The following ACOXL variants were observed in gnomAD, a reference collection of about 807,000 sequenced individuals.
ACOXL encodes acyl-CoA oxidase like.
ACOXL carries 70 observed loss-of-function variants against 71.9 expected under a neutral mutation model. The observed-to-expected ratio is 0.97, with a 90% CI of 0.80 to 1.19. ACOXL has a LOEUF of 1.19. Ranked by LOEUF, ACOXL falls within the 50% of genes most tolerant of loss-of-function variation. The probability of loss-of-function intolerance (pLI) is 0.00; values close to 1 mark genes in which losing one functional copy is unlikely to be tolerated. For missense variants in ACOXL, 703 were observed against 736.3 expected (o/e 0.95, Z 0.52); for synonymous variants, 253 against 281.6 (o/e 0.90, Z 1.02).
chr2:110,934,494 C>T (rs1325537477), intron 12 of ACOXL, among the ~76,000 whole-genome samples: 1 of 152,210 alleles, frequency 6.6e-6, no homozygotes, highest in East Asian at 1.9e-4. Context: ...TAAACAGCAC[C>T]TCTGAACATG....
At chr2:111,082,751 A>T (rs2067993833) in intron 16 of ACOXL, among the ~76,000 whole-genome samples, 1 of 152,240 alleles carries the variant, frequency 6.6e-6, no homozygotes. Context: ...TTATTGCAGC[A>T]CTGTTCACAA....
intron 1 of ACOXL, among the ~76,000 whole-genome samples, chr2:110,746,958 G>A (rs1425057465): frequency 6.6e-6 from 1 of 152,094 alleles, no homozygotes; most frequent in Admixed American, 6.6e-5. Context: ...TACTTGAAGA[G>A]CCCTGAGCTA....
At chr2:110,745,008 G>T (rs966400921) in intron 1 of ACOXL, among the ~76,000 whole-genome samples, 2 of 152,202 alleles carry the variant, frequency 1.3e-5, no homozygotes, top group African/African-American at 4.8e-5. Context: ...TGCCTTGCCA[G>T]TTCCCTGAGG....
intron 10 of ACOXL, among the ~76,000 whole-genome samples, chr2:110,885,673 T>C (rs1697192565): frequency 1.3e-5 from 2 of 152,230 alleles, no homozygotes; most frequent in African/African-American, 2.4e-5. Context: ...TACATAAAAA[T>C]GTTCAAACTT....
chr2:110,872,391 G>T lies in ACOXL; in HGVS notation c.788+30986G>T, dbSNP rs1048446131. On this transcript the variant is annotated intron_variant, in intron 10 of 17. Transcript: ENST00000439055. ...AATTCACCACCTTCAGTTTGTAGCGGGTGCAATACCTGGGCCTGACTGAGG... is the reference window on the plus strand; with the variant it reads ...AATTCACCACCTTCAGTTTGTAGCGTGTGCAATACCTGGGCCTGACTGAGG... Among the ~76,000 whole-genome samples the T allele has an allele frequency of 4.6e-5, 7 of 152,240 alleles. No individual in the cohort carries two copies. The East Asian group carries it at 1.3e-3, about 29-fold the overall frequency.
At chr2:110,887,279 T>G in intron 10 of ACOXL, 1 of 158,076 alleles carries the variant, frequency 6.3e-6, no homozygotes, top group Non-Finnish European at 1.4e-5. Flanking sequence ...TGACTTTCAG[T>G]TCCTCTGCAT....
At chr2:111,039,988 T>C (rs1992263) in intron 15 of ACOXL, among the ~76,000 whole-genome samples, 41,699 of 152,236 alleles carry the variant, frequency 0.27, 6,367 homozygotes, top group African/African-American at 0.42. Flanking sequence ...TTCCTTGCCT[T>C]GTGCATATTT....
intron 10 of ACOXL, among the ~76,000 whole-genome samples, chr2:110,879,485 C>T (rs997743181): frequency 6.6e-6 from 1 of 152,184 alleles, no homozygotes; most frequent in Non-Finnish European, 1.5e-5. Context: ...CCAACAATCT[C>T]TCCCGGAAAA....
intron 12 of ACOXL, among the ~76,000 whole-genome samples, chr2:110,969,484 G>A (rs984055727): frequency 1.3e-5 from 2 of 152,114 alleles, no homozygotes; most frequent in African/African-American, 4.8e-5. Flanking sequence ...GAATGAAACA[G>A]AATATGTATC....
chr2:110,775,674 A>G (rs554262049), intron 2 of ACOXL, among the ~76,000 whole-genome samples: 4 of 152,342 alleles, frequency 2.6e-5, no homozygotes, highest in African/African-American at 9.6e-5. Flanking sequence ...GCAAATACAA[A>G]TCACAACCAC....
At chr2:111,052,937 C>G (rs77566856) in intron 16 of ACOXL, among the ~76,000 whole-genome samples, 1 of 152,162 alleles carries the variant, frequency 6.6e-6, no homozygotes, top group Non-Finnish European at 1.5e-5. Context: ...GTCTGTTCAT[C>G]CTCTGCAGCC....
intron 9 of ACOXL, among the ~76,000 whole-genome samples, chr2:110,814,931 T>C (rs1687748817): frequency 6.6e-6 from 1 of 152,208 alleles, no homozygotes; most frequent in African/African-American, 2.4e-5. Flanking sequence ...TTTTTTTTCT[T>C]GTTAGGAGAA....
chr2:110,968,157 G>C (rs2062013591), intron 12 of ACOXL: 6 of 1,264,812 alleles, frequency 4.7e-6, no homozygotes, highest in Non-Finnish European at 4.6e-6. Flanking sequence ...TGGCCCGCAG[G>C]CTTCTCAATA....
rs546449443 is a variant in ACOXL, at chr2:110,879,606, C to T, written c.789-29183C>T. 6.9e-4 allele frequency among the ~76,000 whole-genome samples: 105 copies of T among 152,212 alleles called. 1 individual carries two copies. The highest frequency in any genetic ancestry group is 2.5e-3 in the African/African-American group (105 of 41,524). On this transcript the variant is annotated intron_variant, in intron 10 of 17. Transcript: ENST00000439055. The stretch of plus-strand genomic sequence containing the variant: ...TTAACATGTATTTAATCTACACTGC[C>T]ATCAAATGTTGAAATCAGTAACGGT...
intron 12 of ACOXL, among the ~76,000 whole-genome samples, chr2:110,965,260 A>T (rs1574309463): frequency 6.6e-6 from 1 of 152,130 alleles, no homozygotes. Context: ...CATCTTTGCT[A>T]TTGTGACTAG....
intron 15 of ACOXL, among the ~76,000 whole-genome samples, chr2:111,037,745 A>T (rs1339430650): frequency 6.6e-6 from 1 of 152,202 alleles, no homozygotes; most frequent in Non-Finnish European, 1.5e-5. Flanking sequence ...CTGTGGCGTT[A>T]TGACTTTGCC....
intron 14 of ACOXL, among the ~76,000 whole-genome samples, chr2:111,017,182 G>A (rs562431348): frequency 6.6e-6 from 1 of 152,342 alleles, no homozygotes; most frequent in South Asian, 2.1e-4. Context: ...AGGCATTACT[G>A]GAGGTGGTGG....
intron 15 of ACOXL, among the ~76,000 whole-genome samples, chr2:111,043,888 C>G (rs547559887): frequency 1.9e-4 from 29 of 152,310 alleles, no homozygotes; most frequent in Admixed American, 6.5e-4. Context: ...CCACATTTCC[C>G]TACCAGACTG....
chr2:111,050,883 C>T (rs1234549178), intron 16 of ACOXL, among the ~76,000 whole-genome samples: 1 of 152,210 alleles, frequency 6.6e-6, no homozygotes, highest in Non-Finnish European at 1.5e-5. Flanking sequence ...CTCCTCTCAC[C>T]ATTTCACCTT....
Sources: gnomAD v4.1 joint callset for allele counts (sites outside exome capture counted in the v4.1 genomes callset) on GRCh38, gnomAD v4.1.1 for gene constraint, MANE v1.5 for transcripts, NCBI Gene and HGNC (gene_info 2026-07-23, HGNC 2026-07-21) for gene names.